CTNNA2: variants seen among roughly 807,000 people sequenced by gnomAD.
The protein encoded by CTNNA2 is catenin alpha-2.
In CTNNA2, 42 loss-of-function variants were observed where a neutral mutation model predicts 101.0. The observed-to-expected ratio is 0.42, with a 90% CI of 0.32 to 0.54. CTNNA2 has a LOEUF of 0.54. Ranked by LOEUF, CTNNA2 falls within the 20% of genes least tolerant of loss-of-function variation. The pLI is 0.14. For synonymous variants in CTNNA2, 450 were observed against 456.4 expected, an observed-to-expected ratio of 0.99 and a Z score of 0.18; for missense variants, 871 against 1,223.1, an observed-to-expected ratio of 0.71 and a Z score of 4.29.
At chr2:79,609,134 A>T (rs1400783721) in intron 1 of CTNNA2, among the ~76,000 whole-genome samples, 1 of 151,988 alleles carries the variant, frequency 6.6e-6, no homozygotes, top group African/African-American at 2.4e-5. Flanking sequence ...CTGACAAAAG[A>T]AGTGCATAAT....
intron 9 of CTNNA2, among the ~76,000 whole-genome samples, chr2:80,541,494 GTTTAA>G (rs546119952): frequency 1.3e-5 from 2 of 152,146 alleles, no homozygotes; most frequent in Non-Finnish European, 2.9e-5. Context: ...GAATAATAGA[GTTTAA>G]TTTAAACAAA....
intron 7 of CTNNA2, among the ~76,000 whole-genome samples, chr2:80,291,022 G>A (rs983437033): frequency 6.6e-6 from 1 of 152,184 alleles, no homozygotes; most frequent in Non-Finnish European, 1.5e-5. Flanking sequence ...CCAAAGCTGG[G>A]ACAGAGCATG....
intron 4 of CTNNA2, among the ~76,000 whole-genome samples, chr2:79,488,858 G>GT (rs1182403322): frequency 6.6e-6 from 1 of 152,094 alleles, no homozygotes; most frequent in East Asian, 1.9e-4. Context: ...ATTTCCAAAA[G>GT]TAAGAGCTAT....
At position 79,594,570 on chromosome 2, in the gene CTNNA2, T is replaced by C. The variant is rs1007692506; in HGVS notation, c.-5-56982T>C. ...TTACTGCCTATTTTATTATTGAACA[T>C]TGAGGCTGTTAGACCTCATATCTCT... On this transcript the variant is annotated intron_variant, in intron 1 of 18. Coordinates refer to ENST00000402739, the MANE Select transcript of CTNNA2 (RefSeq NM_001282597.3). 7.9e-5 allele frequency among the ~76,000 whole-genome samples: 12 copies of C among 152,306 alleles called. No individual in the cohort carries two copies. In the South Asian group the frequency reaches 1.4e-3, roughly 18 times the overall value.
intron 3 of CTNNA2, among the ~76,000 whole-genome samples, chr2:79,815,880 C>T (rs1677452182): frequency 6.6e-6 from 1 of 152,046 alleles, no homozygotes; most frequent in African/African-American, 2.4e-5. Context: ...ATTGATTGTG[C>T]CCATCCATGA....
At chr2:80,451,524 C>G (rs553685640) in intron 9 of CTNNA2, among the ~76,000 whole-genome samples, 2 of 152,120 alleles carry the variant, frequency 1.3e-5, no homozygotes, top group Admixed American at 6.5e-5. Flanking sequence ...ATACACTGAC[C>G]CCTGGCCTCA....
In CTNNA2 at chr2:79,231,578, G is replaced by T. The variant is rs144177906; in HGVS notation, c.-406+33502G>T. ...TTTGTTCCAAATGAATTTTAGAATA[G>T]ATTTCTCTGGTTCTGGGAGTTGTTG... On this transcript the variant is annotated intron_variant, in intron 2 of 21. Transcript: ENST00000466387. 5.3e-5 allele frequency among the ~76,000 whole-genome samples: 8 copies of T among 152,306 alleles called. No homozygotes were observed. The East Asian group carries it at 1.5e-3, about 29-fold the overall frequency.
intron 1 of CTNNA2, among the ~76,000 whole-genome samples, chr2:79,527,432 C>A (rs1672475166): frequency 6.8e-6 from 1 of 146,878 alleles, no homozygotes; most frequent in African/African-American, 2.6e-5. Flanking sequence ...GAGATCGAGA[C>A]CATCCTGGCC....
At chr2:79,338,572 CTCATCATCT>C (rs749853943) in intron 3 of CTNNA2, among the ~76,000 whole-genome samples, 166 of 127,228 alleles carry the variant, frequency 1.3e-3, no homozygotes, top group Middle Eastern at 4.1e-3. Context: ...CTTCTTCCTC[CTCATCATCT>C]TCTTCTTCTT....
At chr2:79,398,148 G>A (rs182907743) in intron 4 of CTNNA2, among the ~76,000 whole-genome samples, 1 of 152,182 alleles carries the variant, frequency 6.6e-6, no homozygotes, top group East Asian at 1.9e-4. Context: ...AAAAGAGGTG[G>A]GGAAGAGTAA....
chr2:80,273,910 T>C (rs1673696792), intron 7 of CTNNA2, among the ~76,000 whole-genome samples: 1 of 152,092 alleles, frequency 6.6e-6, no homozygotes, highest in South Asian at 2.1e-4. Context: ...TCTCTCCCAC[T>C]AGAATGAAAG....
At chr2:80,224,024 C>A (rs542345066) in intron 7 of CTNNA2, among the ~76,000 whole-genome samples, 1 of 152,230 alleles carries the variant, frequency 6.6e-6, no homozygotes, top group South Asian at 2.1e-4. Context: ...CTTAGATGGC[C>A]CCTCGATTGT....
intron 3 of CTNNA2, among the ~76,000 whole-genome samples, chr2:79,851,998 G>A (rs989741088): frequency 6.6e-6 from 1 of 151,768 alleles, no homozygotes; most frequent in African/African-American, 2.4e-5. Context: ...TCAGCCTCTC[G>A]AAGTGCTGGG....
chr2:79,248,190 CAT>C (rs1490581848), intron 2 of CTNNA2, among the ~76,000 whole-genome samples: 3 of 152,062 alleles, frequency 2.0e-5, no homozygotes. Context: ...TGAATTGACT[CAT>C]AGTGTTTCTG....
intron 9 of CTNNA2, among the ~76,000 whole-genome samples, chr2:80,522,172 C>T (rs904746692): frequency 6.6e-6 from 1 of 152,146 alleles, no homozygotes; most frequent in Admixed American, 6.6e-5. Context: ...TATTCGGAAA[C>T]AGTTTTCATG....
intron 6 of CTNNA2, among the ~76,000 whole-genome samples, chr2:79,893,056 A>G (rs1267428856): frequency 6.6e-6 from 1 of 152,144 alleles, no homozygotes; most frequent in African/African-American, 2.4e-5. Flanking sequence ...TGGCTGAGAA[A>G]TCCTTGATGA....
chr2:80,306,290 C>T (rs1478586141), intron 7 of CTNNA2, among the ~76,000 whole-genome samples: 1 of 152,168 alleles, frequency 6.6e-6, no homozygotes, highest in African/African-American at 2.4e-5. Context: ...TAATTTTGCA[C>T]GTGACTAAAC....
intron 1 of CTNNA2, among the ~76,000 whole-genome samples, chr2:79,539,311 A>G (rs1275307851): frequency 1.3e-5 from 2 of 152,218 alleles, no homozygotes; most frequent in Non-Finnish European, 2.9e-5. Context: ...GTTGGCCTTC[A>G]CACATCAAGA....
At chr2:80,343,091 G>C (rs527247535) in intron 7 of CTNNA2, among the ~76,000 whole-genome samples, 56 of 152,220 alleles carry the variant, frequency 3.7e-4, no homozygotes, top group African/African-American at 1.3e-3. Flanking sequence ...TTGGGTTAGG[G>C]CATATCTAAT....
Sources: gnomAD v4.1 joint callset for allele counts (sites outside exome capture counted in the v4.1 genomes callset) on GRCh38, gnomAD v4.1.1 for gene constraint, MANE v1.5 for transcripts, NCBI Gene and HGNC (gene_info 2026-07-23, HGNC 2026-07-21) for gene names.